Variants in PCDH11Y observed in about 807,000 individuals in gnomAD.
PCDH11Y encodes protocadherin-11 Y-linked.
For synonymous variants in PCDH11Y, 9 were observed against 83.6 expected (o/e 0.11, Z 4.87); for missense variants, 12 against 224.8 (o/e 0.05, Z 6.05).
intron 3 of PCDH11Y, among the ~76,000 whole-genome samples, chrY:5,537,932 A>T: frequency 3.0e-5 from 1 of 33,312 alleles, no homozygotes; most frequent in Non-Finnish European, 7.4e-5. Context: ...CAAGTGGTAT[A>T]TATGGGCTAT....
chrY:5,022,959 A>G (rs2052572421), intron 1 of PCDH11Y, among the ~76,000 whole-genome samples: 1 of 33,818 alleles, frequency 3.0e-5, no homozygotes, highest in Non-Finnish European at 7.3e-5. Context: ...AATAAGGTAA[A>G]CTTTTCTTTC....
intron 2 of PCDH11Y, among the ~76,000 whole-genome samples, chrY:5,373,745 T>TACAC (rs369088178): frequency 1.8e-3 from 43 of 23,705 alleles, no homozygotes; most frequent in Non-Finnish European, 2.3e-3. Flanking sequence ...TGTGTATATA[T>TACAC]ACACACACAC....
intron 2 of PCDH11Y, among the ~76,000 whole-genome samples, chrY:5,113,797 GGTGT>G (rs762972288): frequency 2.2e-4 from 5 of 22,624 alleles, no homozygotes; most frequent in Non-Finnish European, 2.8e-4. Flanking sequence ...TAATTAGAGG[GGTGT>G]GTGTGTGTGT....
At chrY:5,232,860 G>C in intron 2 of PCDH11Y, among the ~76,000 whole-genome samples, 1 of 32,339 alleles carries the variant, frequency 3.1e-5, no homozygotes, top group African/African-American at 1.2e-4. Context: ...ACTCAGGTAT[G>C]GACCTCTGGT....
chrY:5,231,010 C>G, intron 2 of PCDH11Y, among the ~76,000 whole-genome samples: 1 of 31,309 alleles, frequency 3.2e-5, no homozygotes, highest in South Asian at 7.4e-4. Flanking sequence ...TTATTTTAAT[C>G]TCTTTGTTCA....
intron 2 of PCDH11Y, among the ~76,000 whole-genome samples, chrY:5,368,188 G>A (rs2124672838): frequency 6.0e-5 from 2 of 33,375 alleles, no homozygotes; most frequent in South Asian, 6.7e-4. Context: ...TGAAGACCAC[G>A]GGGAAAATAT....
At chrY:5,626,226 T>C (rs2053507114) in intron 4 of PCDH11Y, among the ~76,000 whole-genome samples, 2 of 32,887 alleles carry the variant, frequency 6.1e-5, no homozygotes, top group African/African-American at 2.4e-4. Context: ...GGGTTTTTTG[T>C]ATGTCTCTGT....
intron 2 of PCDH11Y, among the ~76,000 whole-genome samples, chrY:5,483,056 G>A: frequency 6.7e-5 from 2 of 29,933 alleles, no homozygotes; most frequent in Non-Finnish European, 1.6e-4. Context: ...CTTAACTCAG[G>A]TATTATGGTA....
At chrY:5,374,431 G>A (rs1447077552) in intron 2 of PCDH11Y, among the ~76,000 whole-genome samples, 3 of 25,993 alleles carry the variant, frequency 1.2e-4, no homozygotes, top group Admixed American at 3.6e-4. Flanking sequence ...GTGTGTGTGT[G>A]TATATATATG....
intron 2 of PCDH11Y, among the ~76,000 whole-genome samples, chrY:5,308,780 G>T: frequency 3.0e-5 from 1 of 32,886 alleles, no homozygotes; most frequent in African/African-American, 1.2e-4. Context: ...TCTAGTTTTT[G>T]AAAATTTGGA....
chrY:5,437,250 G>A (rs2053276301), intron 2 of PCDH11Y, among the ~76,000 whole-genome samples: 1 of 31,865 alleles, frequency 3.1e-5, no homozygotes, highest in Non-Finnish European at 7.7e-5. Flanking sequence ...ATGGGAGAAA[G>A]CCTATTTCTT....
At chrY:5,403,711 T>G in intron 2 of PCDH11Y, among the ~76,000 whole-genome samples, 1 of 33,521 alleles carries the variant, frequency 3.0e-5, no homozygotes, top group African/African-American at 1.2e-4. Flanking sequence ...TAACTATATT[T>G]TCATGATTTA....
chrY:5,462,077 A>C (rs2124683901), intron 2 of PCDH11Y, among the ~76,000 whole-genome samples: 1 of 33,407 alleles, frequency 3.0e-5, no homozygotes, highest in South Asian at 6.7e-4. Context: ...GACATTATAC[A>C]TCAGAGCCAG....
chrY:5,222,098 T>C (rs2052955037), intron 2 of PCDH11Y, among the ~76,000 whole-genome samples: 3 of 34,056 alleles, frequency 8.8e-5, no homozygotes, highest in Non-Finnish European at 2.2e-4. Context: ...GATTTGTATA[T>C]GTTTAATCAT....
At position 5,669,125 on chromosome Y, in the gene PCDH11Y, T is replaced by A. The variant is rs1569350021; in HGVS notation, c.3353-68147T>A. 7.2e-4 allele frequency among the ~76,000 whole-genome samples: 24 copies of A among 33,379 alleles called. No homozygotes were observed. In the East Asian group the frequency reaches 0.018, roughly 25 times the overall value. 89.6% of individuals were successfully genotyped at this position (33,379 alleles called of 37,273 possible). Reference sequence around the variant, plus strand: ...ATGCATAGTGATCAAATCAGGGTAATTAGCATATCAGTCACTTAAAGCATT... The same window carrying A: ...ATGCATAGTGATCAAATCAGGGTAAATAGCATATCAGTCACTTAAAGCATT... On this transcript the variant is annotated intron_variant, in intron 4 of 4. Transcript: ENST00000400457.
intron 2 of PCDH11Y, among the ~76,000 whole-genome samples, chrY:5,136,415 C>T: frequency 1.2e-4 from 4 of 32,668 alleles, no homozygotes; most frequent in African/African-American, 2.4e-4. Flanking sequence ...TTATAGAACA[C>T]GGTTCTATAA....
At chrY:5,031,246 T>C (rs2052589635) in intron 1 of PCDH11Y, among the ~76,000 whole-genome samples, 2 of 31,865 alleles carry the variant, frequency 6.3e-5, no homozygotes, top group African/African-American at 2.5e-4. Flanking sequence ...GCTCTAGAAA[T>C]TTCTGCTGGA....
intron 4 of PCDH11Y, among the ~76,000 whole-genome samples, chrY:5,691,246 G>A (rs2557297): frequency 3.0e-5 from 1 of 33,652 alleles, no homozygotes; most frequent in Non-Finnish European, 7.4e-5. Flanking sequence ...TGTAAATAAC[G>A]TTCTGAAATG....
intron 4 of PCDH11Y, among the ~76,000 whole-genome samples, chrY:5,679,931 TG>T (rs2124709370): frequency 3.5e-5 from 1 of 28,647 alleles, no homozygotes; most frequent in South Asian, 8.4e-4. Context: ...TTTGTTTTCT[TG>T]TGTGAGTGCC....
Sources: allele counts gnomAD v4.1 joint callset (sites outside exome capture counted in the v4.1 genomes callset), GRCh38; gene constraint gnomAD v4.1.1; transcripts MANE v1.5; gene names NCBI Gene and HGNC (gene_info 2026-07-23, HGNC 2026-07-21).